The following COL5A2 variants were observed in gnomAD, a reference collection of about 807,000 sequenced individuals.
The protein encoded by COL5A2 is collagen type V alpha 2 chain, also known as collagen alpha-2(V) chain.
In COL5A2, 23 loss-of-function variants were observed where a neutral mutation model predicts 208.2. The ratio of observed to expected loss-of-function variants is 0.11; its 90% CI spans 0.08 to 0.16. COL5A2 has a LOEUF of 0.16. COL5A2 is among the 10% of genes least tolerant of loss of function. The pLI is 1.00. For synonymous variants in COL5A2, 625 were observed against 628.5 expected (o/e 0.99, Z 0.08); for missense variants, 1,590 against 1,956.4 (o/e 0.81, Z 3.53).
chr2:189,206,804 AT>A (rs1366244900), intron 1 of COL5A2, among the ~76,000 whole-genome samples: 1 of 152,238 alleles, frequency 6.6e-6, no homozygotes, highest in Middle Eastern at 3.2e-3. Flanking sequence ...GAAGATTTGG[AT>A]AACAATGACA....
intron 32 of COL5A2, 103 bp downstream of exon 32, chr2:189,058,746 A>G (rs1685957138): frequency 8.9e-7 from 1 of 1,128,736 alleles, no homozygotes. Flanking sequence ...CCAGTCAAAG[A>G]ATTTATAGGT....
At chr2:189,150,201 A>T (rs1688117313) in intron 1 of COL5A2, among the ~76,000 whole-genome samples, 1 of 152,210 alleles carries the variant, frequency 6.6e-6, no homozygotes. Context: ...AAATGAAAGC[A>T]AGCAATTGTG....
At chr2:189,397,712 T>C in the COL5A2 span, among the ~76,000 whole-genome samples, 1 of 152,058 alleles carries the variant, frequency 6.6e-6, no homozygotes, top group Non-Finnish European at 1.5e-5. Context: ...TGTCTTTTAT[T>C]AATAACACCA....
chr2:189,156,760 T>G (rs2105795536), intron 1 of COL5A2, among the ~76,000 whole-genome samples: 1 of 152,230 alleles, frequency 6.6e-6, no homozygotes, highest in Admixed American at 6.5e-5. Flanking sequence ...TCCACCAAAC[T>G]CACAGTGTAA....
chr2:189,183,521 A>T (rs947068799), upstream of COL5A2, among the ~76,000 whole-genome samples: 2 of 152,134 alleles, frequency 1.3e-5, no homozygotes, highest in Admixed American at 1.3e-4. Context: ...TCAATTAAAC[A>T]TCTCCCACTG....
At chr2:189,419,982 A>G in the COL5A2 span, among the ~76,000 whole-genome samples, 1 of 137,672 alleles carries the variant, frequency 7.3e-6, no homozygotes, top group African/African-American at 2.7e-5. Context: ...GAGAGGAGGA[A>G]GAGGAGGAGG....
At chr2:189,290,758 T>TCACACAC in the COL5A2 span, among the ~76,000 whole-genome samples, 1 of 51,300 alleles carries the variant, frequency 1.9e-5, no homozygotes, top group Non-Finnish European at 4.6e-5. Flanking sequence ...ACACACACAT[T>TCACACAC]ATTATATACA....
chr2:189,213,417 T>C (rs1576587767), intron 1 of COL5A2, among the ~76,000 whole-genome samples: 3 of 152,186 alleles, frequency 2.0e-5, no homozygotes, highest in African/African-American at 4.8e-5. Flanking sequence ...AAACACGTCA[T>C]AAAAACAGAG....
At chr2:189,225,083 T>C (rs1220687248) in intron 1 of COL5A2, among the ~76,000 whole-genome samples, 1 of 152,178 alleles carries the variant, frequency 6.6e-6, no homozygotes, top group Non-Finnish European at 1.5e-5. Flanking sequence ...ATGGGGTATA[T>C]ATACTAAAAC....
At chr2:189,380,521 T>C in the COL5A2 span, among the ~76,000 whole-genome samples, 4 of 151,924 alleles carry the variant, frequency 2.6e-5, no homozygotes, top group African/African-American at 4.8e-5. Flanking sequence ...AAATGATGTG[T>C]TCCATCTTAA....
upstream of COL5A2, among the ~76,000 whole-genome samples, chr2:189,181,386 G>C (rs1688776959): frequency 6.6e-6 from 1 of 152,016 alleles, no homozygotes; most frequent in South Asian, 2.1e-4. Context: ...TTAATGAATG[G>C]GCTAAGTAAG....
intron 46 of COL5A2, 149 bp downstream of exon 46, chr2:189,045,651 T>C (rs1290577415): frequency 6.9e-6 from 5 of 723,294 alleles, no homozygotes; most frequent in South Asian, 3.1e-5. Context: ...AAGAAACATA[T>C]AGTAGTTCAT....
At chr2:189,374,555 T>C in the COL5A2 span, among the ~76,000 whole-genome samples, 1 of 152,164 alleles carries the variant, frequency 6.6e-6, no homozygotes, top group Non-Finnish European at 1.5e-5. Context: ...TAAAAAATTA[T>C]CAAAGATCTA....
intron 1 of COL5A2, among the ~76,000 whole-genome samples, chr2:189,211,321 C>G (rs1050827292): frequency 3.9e-5 from 6 of 152,162 alleles, no homozygotes; most frequent in African/African-American, 1.4e-4. Flanking sequence ...ACTTACCAAA[C>G]TCTCCAACAA....
chr2:189,102,049 A>T (rs970616661), intron 3 of COL5A2, among the ~76,000 whole-genome samples: 4 of 152,122 alleles, frequency 2.6e-5, no homozygotes, highest in African/African-American at 9.6e-5. Context: ...TGCTGAAAGA[A>T]TTTGAATTGT....
intron 1 of COL5A2, among the ~76,000 whole-genome samples, chr2:189,206,465 T>C (rs1689145206): frequency 6.6e-6 from 1 of 152,148 alleles, no homozygotes; most frequent in South Asian, 2.1e-4. Context: ...CAAATAGTAG[T>C]TGCCTATATA....
the COL5A2 span, among the ~76,000 whole-genome samples, chr2:189,402,194 T>C: frequency 6.6e-6 from 1 of 152,068 alleles, no homozygotes; most frequent in African/African-American, 2.4e-5. Context: ...TTTTTATAGT[T>C]TTAGGTTTTT....
chr2:189,062,779 C>T (rs1240698206), intron 29 of COL5A2, 86 bp downstream of exon 29: 35 of 1,470,240 alleles, frequency 2.4e-5, no homozygotes, highest in Non-Finnish European at 3.0e-5. Flanking sequence ...CTGAAACTTA[C>T]CCATAAGTCT....
At chr2:189,308,286 C>T in the COL5A2 span, among the ~76,000 whole-genome samples, 2 of 150,150 alleles carry the variant, frequency 1.3e-5, no homozygotes, top group African/African-American at 4.9e-5. Flanking sequence ...TCAGACATGC[C>T]TCATTATACC....
Sources: allele counts gnomAD v4.1 joint callset (sites outside exome capture counted in the v4.1 genomes callset), GRCh38; gene constraint gnomAD v4.1.1; transcripts MANE v1.5; gene names NCBI Gene and HGNC (gene_info 2026-07-23, HGNC 2026-07-21).